EYA2: variants seen among roughly 807,000 people sequenced by gnomAD.
EYA2 encodes the protein protein phosphatase EYA2.
Under a neutral mutation model 69.2 loss-of-function variants are expected in EYA2, and 31 were observed. That is an observed-to-expected ratio of 0.45 (90% CI 0.34 to 0.60). EYA2 has a LOEUF of 0.60. Among genes scored for constraint, EYA2 ranks in the 20% least tolerant of loss-of-function variants. The pLI is 0.02. For synonymous variants in EYA2, 257 were observed against 279.4 expected (o/e 0.92, Z 0.80); for missense variants, 622 against 701.2 (o/e 0.89, Z 1.28).
At chr20:47,182,678 G>A (rs1014728442) in intron 14 of EYA2, among the ~76,000 whole-genome samples, 9 of 148,722 alleles carry the variant, frequency 6.1e-5, no homozygotes, top group East Asian at 4.0e-4. Context: ...GCTCACGCCT[G>A]TAATCCCAGT....
intron 14 of EYA2, among the ~76,000 whole-genome samples, chr20:47,182,941 CAA>C (rs1449428699): frequency 6.6e-5 from 10 of 152,086 alleles, no homozygotes; most frequent in Non-Finnish European, 1.3e-4. Flanking sequence ...TGTCTCGAAA[CAA>C]AAGTGTCCAG....
chr20:47,167,840 C>T (rs759038388), intron 10 of EYA2, among the ~76,000 whole-genome samples: 2 of 152,112 alleles, frequency 1.3e-5, no homozygotes, highest in African/African-American at 2.4e-5. Context: ...TTGCAGGTTC[C>T]GAGATAAGAA....
At chr20:46,981,128 C>T (rs1980808693) in intron 1 of EYA2, among the ~76,000 whole-genome samples, 1 of 152,158 alleles carries the variant, frequency 6.6e-6, no homozygotes, top group Admixed American at 6.5e-5. Context: ...AGACTTAAAT[C>T]TGTGTTTAGT....
In EYA2 at chr20:47,119,642, C is replaced by T. The variant is rs147464096; in HGVS notation, c.888+22474C>T. On this transcript the variant is annotated intron_variant, in intron 9 of 15. Coordinates refer to ENST00000327619, the MANE Select transcript of EYA2 (RefSeq NM_005244.5). ...GAGCCAGAATGAAGACTGTTGGTTA[C>T]TAGGGACTGGGGGTAGTGGGGAATG... Among the ~76,000 whole-genome samples, 1,097 of 152,270 alleles carry T rather than the reference C, an allele frequency of 7.2e-3. 17 individuals carry two copies. Among genetic ancestry groups the T allele is most frequent in the African/African-American group, 0.024 (1,011 of 41,546 alleles).
intron 6 of EYA2, 137 bp downstream of exon 6, chr20:47,072,389 C>T (rs911840157): frequency 2.5e-6 from 2 of 806,676 alleles, no homozygotes; most frequent in African/African-American, 1.7e-5. Context: ...TTGGAGACTA[C>T]AGGGGCTAGA....
At chr20:46,990,846 A>G (rs548200920) in intron 2 of EYA2, among the ~76,000 whole-genome samples, 41 of 152,340 alleles carry the variant, frequency 2.7e-4, no homozygotes, top group African/African-American at 7.2e-4. Context: ...ACACCAGCTC[A>G]TGGGACACAA....
chr20:46,968,418 G>A (rs1979922517), intron 1 of EYA2, among the ~76,000 whole-genome samples: 1 of 152,214 alleles, frequency 6.6e-6, no homozygotes, highest in African/African-American at 2.4e-5. Context: ...CTCTGAGGTT[G>A]GCGCCTTTCT....
chr20:47,028,828 C>T (rs1984240314), intron 5 of EYA2, among the ~76,000 whole-genome samples: 1 of 152,168 alleles, frequency 6.6e-6, no homozygotes, highest in Non-Finnish European at 1.5e-5. Flanking sequence ...GTGAAGATGG[C>T]TGGGTGGCCC....
chr20:47,040,899 A>G (rs1985027050), intron 5 of EYA2, among the ~76,000 whole-genome samples: 1 of 152,236 alleles, frequency 6.6e-6, no homozygotes, highest in Admixed American at 6.5e-5. Flanking sequence ...TTATGTAGCC[A>G]GCATCTTATC....
intron 5 of EYA2, among the ~76,000 whole-genome samples, chr20:47,051,386 C>A (rs571234834): frequency 6.6e-6 from 1 of 152,212 alleles, no homozygotes; most frequent in Non-Finnish European, 1.5e-5. Flanking sequence ...AAATACCCAC[C>A]GAAACTATGA....
intron 1 of EYA2, among the ~76,000 whole-genome samples, chr20:46,907,076 GA>G (rs1212048254): frequency 6.6e-6 from 1 of 152,130 alleles, no homozygotes; most frequent in Admixed American, 6.5e-5. Flanking sequence ...TTGATGACAT[GA>G]AAATAACGGA....
At chr20:47,152,730 G>A (rs1007723954) in intron 10 of EYA2, among the ~76,000 whole-genome samples, 4 of 150,912 alleles carry the variant, frequency 2.7e-5, no homozygotes, top group Non-Finnish European at 4.4e-5. Context: ...AGAATCACTC[G>A]AACCCAGGAG....
In EYA2 at chr20:47,182,628, T is replaced by TCAAAAAAAAAAAGAA. The variant is rs779945744; in HGVS notation, c.1436-663_1436-662insCAAAAAAAAAAAGAA. ...TGGGCAACAAGAACGAGACTCCGTC[T>TCAAAAAAAAAAAGAA]AAAAAAAAAAAAAAAAGGTTAAGAT... On this transcript the variant is annotated intron_variant, in intron 14 of 15. Transcript: ENST00000327619. Among the ~76,000 whole-genome samples the TCAAAAAAAAAAAGAA allele has an allele frequency of 2.4e-5, 2 of 84,340 alleles. 1 individual carries two copies. The highest frequency in any genetic ancestry group is 1.3e-4 in the African/African-American group (2 of 15,288). The allele number at this position is 84,340 out of a possible 152,430, so 55.3% of individuals were successfully genotyped here. A position where few individuals can be genotyped will look rare whatever the true frequency, so the allele number is the denominator to read the frequency against.
intron 1 of EYA2, among the ~76,000 whole-genome samples, chr20:46,926,351 C>T (rs1237369948): frequency 6.6e-6 from 1 of 152,148 alleles, no homozygotes; most frequent in African/African-American, 2.4e-5. Context: ...CCTGGAGACC[C>T]AGGCAAGCCA....
At chr20:47,121,047 C>A (rs1448769312) in intron 9 of EYA2, among the ~76,000 whole-genome samples, 4 of 151,928 alleles carry the variant, frequency 2.6e-5, no homozygotes, top group Non-Finnish European at 5.9e-5. Flanking sequence ...TTTTTGTTTT[C>A]TGGGAGGCTT....
At chr20:47,135,818 CA>C (rs1201324879) in intron 9 of EYA2, among the ~76,000 whole-genome samples, 421 of 33,278 alleles carry the variant, frequency 0.013, 1 homozygote, top group Non-Finnish European at 0.019. Flanking sequence ...CCTGTCTCTA[CA>C]AAAAAAAAAA....
intron 5 of EYA2, among the ~76,000 whole-genome samples, chr20:47,019,186 A>AC: frequency 6.6e-6 from 1 of 151,120 alleles, no homozygotes; most frequent in Non-Finnish European, 1.5e-5. Flanking sequence ...CTAGGGCCCC[A>AC]CCCCCCACCT....
At chr20:47,032,706 A>C (rs748190225) in intron 5 of EYA2, among the ~76,000 whole-genome samples, 4 of 152,082 alleles carry the variant, frequency 2.6e-5, no homozygotes, top group Non-Finnish European at 5.9e-5. Context: ...CCGCCTCTGC[A>C]CTCACTGGCT....
intron 7 of EYA2, among the ~76,000 whole-genome samples, chr20:47,076,090 C>A (rs1568762329): frequency 6.6e-6 from 1 of 152,170 alleles, no homozygotes; most frequent in Non-Finnish European, 1.5e-5. Context: ...TTTTCTTTAT[C>A]CAGTTTGCCA....
Sources: gnomAD v4.1 joint callset for allele counts (sites outside exome capture counted in the v4.1 genomes callset) on GRCh38, gnomAD v4.1.1 for gene constraint, MANE v1.5 for transcripts, NCBI Gene and HGNC (gene_info 2026-07-23, HGNC 2026-07-21) for gene names.